GUCY2F: variants seen among roughly 807,000 people sequenced by gnomAD.
GUCY2F encodes guanylate cyclase 2F, retinal, also known as retinal guanylyl cyclase 2.
In GUCY2F, 61 loss-of-function variants were observed where a neutral mutation model predicts 73.1. That is an observed-to-expected ratio of 0.83 (90% CI 0.68 to 1.03). GUCY2F has a LOEUF of 1.03. Ranked by LOEUF, GUCY2F falls within the 50% of genes least tolerant of loss-of-function variation. GUCY2F has a pLI of 0.00. For missense variants in GUCY2F, 912 were observed against 854.3 expected, an observed-to-expected ratio of 1.07 and a Z score of -0.84; for synonymous variants, 331 against 307.8, an observed-to-expected ratio of 1.08 and a Z score of -0.79.
At chrX:109,439,091 G>A (rs1308695181) in intron 7 of GUCY2F, among the ~76,000 whole-genome samples, 1 of 112,061 alleles carries the variant, frequency 8.9e-6, no homozygotes, top group Non-Finnish European at 1.9e-5. Context: ...CTACCGAGAT[G>A]TATGGCTTGC....
intron 10 of GUCY2F, 123 bp downstream of exon 10, chrX:109,404,205 G>T: frequency 5.5e-6 from 3 of 550,022 alleles, no homozygotes; most frequent in Non-Finnish European, 8.8e-6. Context: ...GCTTGGAAAT[G>T]AGGCTGGATT....
chrX:109,421,157 T>C (rs1415951040), intron 8 of GUCY2F, among the ~76,000 whole-genome samples: 2 of 111,293 alleles, frequency 1.8e-5, no homozygotes, highest in East Asian at 5.6e-4. Flanking sequence ...GTTGGTGGGA[T>C]TGTAAAATGG....
chrX:109,404,438 T>C lies in GUCY2F; in HGVS notation c.2015A>G (p.Lys672Arg). The C allele has an allele frequency of 8.4e-7, 1 of 1,195,354 alleles. No individual in the cohort carries two copies. The highest frequency in any genetic ancestry group is 1.1e-6 in the Non-Finnish European group (1 of 880,579). ...HHREFVHGRL[K>R]SRNCVVDGRF... ...CCCATCTACCACACAGTTTCGAGAC[T>C]TTAGCCTCCCATGAACAAACTCTCT... The change falls in exon 10 of 20, where the codon AAG becomes AGG. Residue 672 changes from lysine to arginine, a missense_variant. Transcript: ENST00000218006.
intron 8 of GUCY2F, among the ~76,000 whole-genome samples, chrX:109,414,261 T>A (rs1372511285): frequency 8.9e-6 from 1 of 111,883 alleles, no homozygotes; most frequent in East Asian, 2.8e-4. Context: ...CACGAGACAC[T>A]GTGCCTGGCC....
At chrX:109,462,805 C>T (rs1247828545) in intron 3 of GUCY2F, among the ~76,000 whole-genome samples, 1 of 111,702 alleles carries the variant, frequency 9.0e-6, no homozygotes, top group Non-Finnish European at 1.9e-5. Flanking sequence ...TATGTGATGC[C>T]ATATCATTGG....
At chrX:109,420,220 C>CAA (rs749869638) in intron 8 of GUCY2F, among the ~76,000 whole-genome samples, 6 of 38,060 alleles carry the variant, frequency 1.6e-4, no homozygotes, top group African/African-American at 5.5e-4. Context: ...CTTAGGCCAC[C>CAA]AAAAAAAAAA....
At chrX:109,439,979 G>A (rs1931834517) in intron 7 of GUCY2F, among the ~76,000 whole-genome samples, 1 of 112,009 alleles carries the variant, frequency 8.9e-6, no homozygotes, top group African/African-American at 3.2e-5. Context: ...CTTCAAAAGT[G>A]TTCCAGCCTC....
chrX:109,415,602 A>G (rs771988923), intron 8 of GUCY2F, among the ~76,000 whole-genome samples: 2 of 112,358 alleles, frequency 1.8e-5, no homozygotes, highest in East Asian at 5.6e-4. Flanking sequence ...TGAATATCCC[A>G]ATCTTTCAAA....
chrX:109,436,842 G>A (rs751405695), intron 7 of GUCY2F, among the ~76,000 whole-genome samples: 4 of 108,686 alleles, frequency 3.7e-5, no homozygotes, highest in East Asian at 2.9e-4. Flanking sequence ...ACTAAATGAC[G>A]GGTTAATGGG....
At chrX:109,460,667 T>C (rs991278643) in intron 3 of GUCY2F, among the ~76,000 whole-genome samples, 1 of 111,666 alleles carries the variant, frequency 9.0e-6, no homozygotes, top group Admixed American at 9.5e-5. Context: ...ATGAGATTCA[T>C]AAAACATAGA....
At chrX:109,422,070 G>T (rs1931384042) in intron 8 of GUCY2F, among the ~76,000 whole-genome samples, 1 of 111,537 alleles carries the variant, frequency 9.0e-6, no homozygotes, top group Non-Finnish European at 1.9e-5. Flanking sequence ...GATTGCCTAT[G>T]GGATAGGATA....
intron 10 of GUCY2F, among the ~76,000 whole-genome samples, chrX:109,401,154 A>G (rs1481134972): frequency 8.9e-6 from 1 of 112,205 alleles, no homozygotes; most frequent in Non-Finnish European, 1.9e-5. Flanking sequence ...TACATTTACA[A>G]TCCGCCCCCA....
At chrX:109,428,187 A>G (rs1931530622) in intron 8 of GUCY2F, among the ~76,000 whole-genome samples, 1 of 112,157 alleles carries the variant, frequency 8.9e-6, no homozygotes, top group Non-Finnish European at 1.9e-5. Context: ...ACATAGATTA[A>G]AGTATCTCCC....
intron 8 of GUCY2F, among the ~76,000 whole-genome samples, chrX:109,413,084 A>T (rs1931150347): frequency 2.7e-5 from 3 of 112,360 alleles, no homozygotes; most frequent in Admixed American, 1.9e-4. Flanking sequence ...CTAGCATTAC[A>T]CTAATGGTAC....
At chrX:109,438,183 G>T (rs766780480) in intron 7 of GUCY2F, among the ~76,000 whole-genome samples, 9 of 112,383 alleles carry the variant, frequency 8.0e-5, no homozygotes, top group Non-Finnish European at 1.7e-4. Flanking sequence ...CAAGGTACCA[G>T]CAGGTATGGT....
At chrX:109,409,566 C>T (rs918967101) in intron 8 of GUCY2F, among the ~76,000 whole-genome samples, 5 of 111,093 alleles carry the variant, frequency 4.5e-5, no homozygotes, top group African/African-American at 1.3e-4. Flanking sequence ...AGCAAGAAAG[C>T]GGGGACCTCA....
rs768391011 is a variant in GUCY2F, at chrX:109,392,110, A to C, written c.2589-7T>G. The C allele has an allele frequency of 4.3e-6, 5 of 1,170,151 alleles. No homozygotes were observed. The African/African-American group carries it at 5.3e-5, about 12-fold the overall frequency. On this transcript the variant is annotated splice_polypyrimidine_tract_variant and splice_region_variant and intron_variant, in intron 13 of 19. Coordinates refer to ENST00000218006, the MANE Select transcript of GUCY2F (RefSeq NM_001522.3). Reference sequence around the variant, plus strand: ...GAGAGATTCAGCAACTGATCTGAAAAGCAGACACAGCTATTCCTAAGATGA... The same window carrying C: ...GAGAGATTCAGCAACTGATCTGAAACGCAGACACAGCTATTCCTAAGATGA...
At chrX:109,415,037 T>C (rs1931208064) in intron 8 of GUCY2F, among the ~76,000 whole-genome samples, 1 of 111,005 alleles carries the variant, frequency 9.0e-6, no homozygotes, top group Admixed American at 9.5e-5. Context: ...GTGTAGTAGG[T>C]TATGGCAGAC....
intron 10 of GUCY2F, among the ~76,000 whole-genome samples, chrX:109,402,920 C>G (rs1440434465): frequency 9.0e-6 from 1 of 111,692 alleles, no homozygotes. Flanking sequence ...ATGTGTCTCT[C>G]TCTCTCTGTG....
Sources: allele counts gnomAD v4.1 joint callset (sites outside exome capture counted in the v4.1 genomes callset), GRCh38; gene constraint gnomAD v4.1.1; transcripts MANE v1.5; gene names NCBI Gene and HGNC (gene_info 2026-07-23, HGNC 2026-07-21).